KIAA1328: variants seen among roughly 807,000 people sequenced by gnomAD.
KIAA1328 encodes the protein protein hinderin.
KIAA1328 carries 52 observed loss-of-function variants against 68.1 expected under a neutral mutation model. That is an observed-to-expected ratio of 0.76 (90% CI 0.61 to 0.96). The LOEUF (loss-of-function observed/expected upper bound fraction) is 0.96. KIAA1328 is among the 40% of genes least tolerant of loss of function. The pLI is 0.00. For synonymous variants in KIAA1328, 232 were observed against 239.4 expected (o/e 0.97, Z 0.28); for missense variants, 641 against 677.6 (o/e 0.95, Z 0.60).
At chr18:37,199,313 G>A (rs557033599) in intron 9 of KIAA1328, among the ~76,000 whole-genome samples, 19 of 152,108 alleles carry the variant, frequency 1.2e-4, no homozygotes, top group South Asian at 4.1e-4. Context: ...ATGTGTTACC[G>A]TTTAGCTCCC....
chr18:36,948,018 C>G (rs907060043), intron 5 of KIAA1328, among the ~76,000 whole-genome samples: 1 of 152,092 alleles, frequency 6.6e-6, no homozygotes, highest in Non-Finnish European at 1.5e-5. Flanking sequence ...TTGACCTCCC[C>G]TTCCCATCAT....
At chr18:36,944,456 C>G (rs9955025) in intron 5 of KIAA1328, among the ~76,000 whole-genome samples, 90,535 of 151,940 alleles carry the variant, frequency 0.6, 28,822 homozygotes, top group East Asian at 0.87. Context: ...GCGGGCGCCT[C>G]TGTTCCCAGC....
intron 5 of KIAA1328, among the ~76,000 whole-genome samples, chr18:36,940,121 C>T (rs1469256266): frequency 1.2e-4 from 18 of 152,072 alleles, no homozygotes. Flanking sequence ...AAAGATATGA[C>T]TTTGGAGACA....
chr18:37,221,741 T>C (rs1176688116), intron 9 of KIAA1328, among the ~76,000 whole-genome samples: 2 of 152,204 alleles, frequency 1.3e-5, no homozygotes, highest in African/African-American at 4.8e-5. Flanking sequence ...ATTACTGTTA[T>C]CATGATTACT....
chr18:36,865,792 T>G (rs913624274), intron 4 of KIAA1328, among the ~76,000 whole-genome samples: 4 of 152,136 alleles, frequency 2.6e-5, no homozygotes, highest in African/African-American at 9.7e-5. Flanking sequence ...GTTCTGACTC[T>G]TCATGTTGGA....
At chr18:36,984,040 T>A (rs1021824160) in intron 6 of KIAA1328, among the ~76,000 whole-genome samples, 1 of 152,166 alleles carries the variant, frequency 6.6e-6, no homozygotes, top group East Asian at 1.9e-4. Context: ...TTTTTTTAGA[T>A]GAAGTCTAAC....
chr18:37,095,438 A>G (rs950767950), intron 7 of KIAA1328, among the ~76,000 whole-genome samples: 2 of 152,190 alleles, frequency 1.3e-5, no homozygotes, highest in African/African-American at 4.8e-5. Context: ...CTATAAAAAA[A>G]TGTACATATG....
At chr18:37,140,158 G>A (rs1568457409) in intron 7 of KIAA1328, among the ~76,000 whole-genome samples, 1 of 152,154 alleles carries the variant, frequency 6.6e-6, no homozygotes, top group East Asian at 1.9e-4. Context: ...AATTATTCAA[G>A]TCTCAGAGGT....
chr18:37,131,777 G>A (rs1236769242), intron 7 of KIAA1328, among the ~76,000 whole-genome samples: 1 of 152,142 alleles, frequency 6.6e-6, no homozygotes, highest in Non-Finnish European at 1.5e-5. Flanking sequence ...TAACATTAAG[G>A]TAGCATGATT....
chr18:36,906,898 A>G (rs568150457), intron 5 of KIAA1328, among the ~76,000 whole-genome samples: 38 of 152,150 alleles, frequency 2.5e-4, no homozygotes, highest in Non-Finnish European at 3.5e-4. Context: ...TGTTGAATAT[A>G]TATATCAATT....
rs887552126 is a variant in KIAA1328, at chr18:37,086,344, T to G, written c.1232+18799T>G. On this transcript the variant is annotated intron_variant, in intron 7 of 9. Transcript: ENST00000280020. ...TATCAAAACATCACTTTGTATACAATAAATATATACAGTGTTTACCAATTA... is the reference window on the plus strand; with the variant it reads ...TATCAAAACATCACTTTGTATACAAGAAATATATACAGTGTTTACCAATTA... 5.3e-5 allele frequency among the ~76,000 whole-genome samples: 8 copies of G among 152,342 alleles called. No individual in the cohort carries two copies. The East Asian group carries it at 1.5e-3, about 29-fold the overall frequency.
intron 6 of KIAA1328, among the ~76,000 whole-genome samples, chr18:37,059,312 C>G (rs1007170176): frequency 1.3e-5 from 2 of 151,930 alleles, no homozygotes; most frequent in Admixed American, 6.6e-5. Flanking sequence ...GGGCCAATAT[C>G]CAGAATCTAC....
chr18:37,093,897 C>A (rs2057332358), intron 7 of KIAA1328, among the ~76,000 whole-genome samples: 1 of 152,148 alleles, frequency 6.6e-6, no homozygotes, highest in South Asian at 2.1e-4. Context: ...CAAGGAAAAG[C>A]ATCAAGTCAC....
rs58707237 is a variant in KIAA1328, at chr18:36,883,952, G to GTATATATATATATATA, written c.333-1602_333-1587dup. ...TACAAATGCTTTCCATATTTATAAAGTATATATATATATATATACACACAC... is the reference window on the plus strand; with the variant it reads ...TACAAATGCTTTCCATATTTATAAAGTATATATATATATATATATATATATATATATATACACACAC... On this transcript the variant is annotated intron_variant, in intron 4 of 9. Transcript: ENST00000280020. Among the ~76,000 whole-genome samples, 1,098 of 120,720 alleles carry GTATATATATATATATA rather than the reference G, an allele frequency of 9.1e-3. 67 individuals are homozygous for GTATATATATATATATA. Among genetic ancestry groups the GTATATATATATATATA allele is most frequent in the African/African-American group, 0.032 (976 of 30,312 alleles). The allele number at this position is 120,720 out of a possible 152,430, so 79.2% of individuals were successfully genotyped here.
chr18:36,913,893 A>G (rs976253073), intron 5 of KIAA1328, among the ~76,000 whole-genome samples: 1 of 152,058 alleles, frequency 6.6e-6, no homozygotes, highest in African/African-American at 2.4e-5. Context: ...TGAGTTTTTG[A>G]CCATCAGTTG....
At chr18:36,995,206 TG>T (rs1310335141) in intron 6 of KIAA1328, among the ~76,000 whole-genome samples, 2 of 152,082 alleles carry the variant, frequency 1.3e-5, no homozygotes, top group Non-Finnish European at 2.9e-5. Flanking sequence ...GAACAGGCAG[TG>T]TTTGGTTTTC....
chr18:37,096,151 T>C (rs1175410943), intron 7 of KIAA1328, among the ~76,000 whole-genome samples: 1 of 152,198 alleles, frequency 6.6e-6, no homozygotes, highest in Non-Finnish European at 1.5e-5. Context: ...TATGTACACA[T>C]GTGCCATGTT....
chr18:37,095,954 G>A (rs111621749), intron 7 of KIAA1328, among the ~76,000 whole-genome samples: 4 of 151,982 alleles, frequency 2.6e-5, no homozygotes, highest in Non-Finnish European at 2.9e-5. Flanking sequence ...TTGAAAGCTC[G>A]AACAGACCAA....
At chr18:36,910,436 G>A (rs2049395478) in intron 5 of KIAA1328, among the ~76,000 whole-genome samples, 2 of 152,110 alleles carry the variant, frequency 1.3e-5, no homozygotes, top group East Asian at 3.9e-4. Flanking sequence ...AGTTGTAGAT[G>A]TGTGGTATTA....
Sources: allele counts gnomAD v4.1 joint callset (sites outside exome capture counted in the v4.1 genomes callset), GRCh38; gene constraint gnomAD v4.1.1; transcripts MANE v1.5; gene names NCBI Gene and HGNC (gene_info 2026-07-23, HGNC 2026-07-21).